Variants in MYO3A observed in about 807,000 individuals in gnomAD.
The protein encoded by MYO3A is myosin IIIA, also known as myosin-IIIa.
In MYO3A, 180 loss-of-function variants were observed where a neutral mutation model predicts 192.7. That is an observed-to-expected ratio of 0.93 (90% CI 0.83 to 1.06). The LOEUF is 1.06. MYO3A is among the 50% of genes least tolerant of loss of function. MYO3A has a pLI of 0.00. For missense variants in MYO3A, 1,896 were observed against 1,905.0 expected (o/e 1.00, Z 0.09); for synonymous variants, 628 against 645.3 (o/e 0.97, Z 0.41).
At chr10:26,002,412 G>T (rs1840886001) in intron 6 of MYO3A, among the ~76,000 whole-genome samples, 1 of 152,254 alleles carries the variant, frequency 6.6e-6, no homozygotes, top group Non-Finnish European at 1.5e-5. Context: ...CAAGGGAGGG[G>T]AAGGGGTTCT....
At chr10:26,017,972 T>C (rs1343965510) in intron 7 of MYO3A, among the ~76,000 whole-genome samples, 3 of 147,980 alleles carry the variant, frequency 2.0e-5, no homozygotes, top group Non-Finnish European at 4.5e-5. Flanking sequence ...TGCATTTTGT[T>C]TGCATATATT....
At chr10:25,987,024 C>A (rs10828921) in intron 4 of MYO3A, among the ~76,000 whole-genome samples, 1 of 152,012 alleles carries the variant, frequency 6.6e-6, no homozygotes, top group Admixed American at 6.5e-5. Flanking sequence ...CATAGACCAA[C>A]GGAACAGAAG....
intron 18 of MYO3A, among the ~76,000 whole-genome samples, chr10:26,121,071 ACAGATAGTATAGTTAAAATT>A (rs780891662): frequency 6.6e-5 from 10 of 152,040 alleles, no homozygotes; most frequent in Non-Finnish European, 1.3e-4. Flanking sequence ...ATATAAAAGC[ACAGATAGTATAGTTAAAATT>A]CAGTAAACTG....
At chr10:26,000,229 A>G (rs923890781) in intron 6 of MYO3A, among the ~76,000 whole-genome samples, 3 of 152,274 alleles carry the variant, frequency 2.0e-5, no homozygotes, top group African/African-American at 7.2e-5. Flanking sequence ...CCTATTACCT[A>G]TTAGCCAGGT....
chr10:26,070,530 G>T, intron 14 of MYO3A, 129 bp downstream of exon 14: 1 of 854,486 alleles, frequency 1.2e-6, no homozygotes, highest in Non-Finnish European at 1.9e-6. Flanking sequence ...AAATACAGTT[G>T]TTATCCTTTG....
intron 4 of MYO3A, among the ~76,000 whole-genome samples, chr10:25,991,873 A>G (rs1840055389): frequency 1.3e-5 from 2 of 152,000 alleles, no homozygotes; most frequent in Non-Finnish European, 2.9e-5. Context: ...ATTGGTCTAT[A>G]TCTCTGTTTT....
At chr10:26,164,148 A>G (rs957327433) in intron 26 of MYO3A, among the ~76,000 whole-genome samples, 1 of 148,780 alleles carries the variant, frequency 6.7e-6, no homozygotes, top group Non-Finnish European at 1.5e-5. Context: ...GTGAAGAGTG[A>G]AGAGTGATGG....
At chr10:26,085,363 T>C (rs1836242606) in intron 14 of MYO3A, among the ~76,000 whole-genome samples, 1 of 152,204 alleles carries the variant, frequency 6.6e-6, no homozygotes. Context: ...ATTTTGGAGC[T>C]TTCTTCTTTT....
At chr10:26,053,940 T>C (rs1588869286) in intron 10 of MYO3A, among the ~76,000 whole-genome samples, 1 of 152,256 alleles carries the variant, frequency 6.6e-6, no homozygotes, top group East Asian at 1.9e-4. Flanking sequence ...GACCTCGCAA[T>C]CAAGAGAAGT....
chr10:25,954,902 A>G lies in MYO3A; in HGVS notation c.197A>G (p.Tyr66Cys), dbSNP rs1837442254. Residue 66 changes from tyrosine (Y) to cysteine (C), a missense_variant, in exon 4 of 35, where the codon TAT (tyrosine) becomes TGT (cysteine). Coordinates refer to ENST00000642920, the MANE Select transcript of MYO3A (RefSeq NM_017433.5). The stretch of plus-strand genomic sequence containing the variant: ...ATTGACGAAGAGATTGAAGCAGAAT[A>G]TAACATCTTAAAAGCACTTTCTGAC... ...HDIDEEIEAEYNILKALSDHP... is the reference protein window; with the variant it reads ...HDIDEEIEAECNILKALSDHP... 3 of 1,612,478 alleles carry G rather than the reference A, an allele frequency of 1.9e-6. No individual in the cohort carries two copies. The African/African-American group carries it at 4.0e-5, about 22-fold the overall frequency.
At chr10:26,084,169 A>G (rs935217786) in intron 14 of MYO3A, among the ~76,000 whole-genome samples, 4 of 152,248 alleles carry the variant, frequency 2.6e-5, no homozygotes, top group Non-Finnish European at 5.9e-5. Flanking sequence ...GGACTTTGTC[A>G]GATACTTTTT....
At chr10:26,005,257 A>T (rs1184304695) in intron 6 of MYO3A, among the ~76,000 whole-genome samples, 1 of 152,136 alleles carries the variant, frequency 6.6e-6, no homozygotes, top group Non-Finnish European at 1.5e-5. Context: ...ATCGTGAGGG[A>T]ATATACAACA....
intron 20 of MYO3A, among the ~76,000 whole-genome samples, chr10:26,141,483 A>C (rs1348491700): frequency 6.6e-6 from 1 of 151,888 alleles, no homozygotes; most frequent in Non-Finnish European, 1.5e-5. Context: ...TTTCCACGCC[A>C]CTCATCTCTG....
intron 28 of MYO3A, among the ~76,000 whole-genome samples, chr10:26,169,137 T>G (rs561135500): frequency 1.3e-5 from 2 of 152,314 alleles, no homozygotes; most frequent in Non-Finnish European, 2.9e-5. Flanking sequence ...GTGGAAGATA[T>G]AGCAAATAAT....
intron 31 of MYO3A, among the ~76,000 whole-genome samples, chr10:26,180,238 T>A (rs1025596105): frequency 6.6e-6 from 1 of 152,140 alleles, no homozygotes; most frequent in East Asian, 1.9e-4. Flanking sequence ...CATATTAATA[T>A]AACATATCAA....
intron 26 of MYO3A, among the ~76,000 whole-genome samples, chr10:26,163,389 T>C (rs1841575451): frequency 1.3e-5 from 2 of 152,040 alleles, no homozygotes; most frequent in South Asian, 4.2e-4. Flanking sequence ...CAGACAGAGC[T>C]GTGGACGGTG....
intron 4 of MYO3A, among the ~76,000 whole-genome samples, chr10:25,992,052 A>G (rs1176560139): frequency 6.6e-6 from 1 of 152,164 alleles, no homozygotes; most frequent in East Asian, 1.9e-4. Context: ...TCTGTGAAGA[A>G]AGGCATTGGT....
chr10:26,180,544 C>T (rs900895634), intron 31 of MYO3A, among the ~76,000 whole-genome samples: 2 of 151,876 alleles, frequency 1.3e-5, no homozygotes, highest in African/African-American at 4.8e-5. Context: ...TTTCAAAAAG[C>T]ATAACTATCA....
rs1047901867 is a variant in MYO3A at position 26,068,903 on chromosome 10, A to G, written c.1170+19A>G. 2 of 1,415,452 alleles carry G rather than the reference A, an allele frequency of 1.4e-6. No individual in the cohort carries two copies. Among genetic ancestry groups the G allele is most frequent in the African/African-American group, 1.4e-5 (1 of 71,082 alleles). 87.7% of individuals were successfully genotyped at this position (1,415,452 alleles called of 1,614,324 possible). ...CACAAAGGTATGTCGTATGGGGTGC[A>G]TTCTGTTACTTCATACACATAATTA... On this transcript the variant is annotated intron_variant, in intron 12 of 34. Coordinates refer to ENST00000642920, the MANE Select transcript of MYO3A (RefSeq NM_017433.5).
Sources: gnomAD v4.1 joint callset for allele counts (sites outside exome capture counted in the v4.1 genomes callset) on GRCh38, gnomAD v4.1.1 for gene constraint, MANE v1.5 for transcripts, NCBI Gene and HGNC (gene_info 2026-07-23, HGNC 2026-07-21) for gene names.